CNTNAP4: variants seen among roughly 807,000 people sequenced by gnomAD.
CNTNAP4 encodes contactin-associated protein-like 4.
A neutral mutation model predicts 148.4 loss-of-function variants in CNTNAP4; 98 were observed. The observed-to-expected ratio is 0.66, with a 90% CI of 0.56 to 0.78. CNTNAP4 has a LOEUF of 0.78. Among genes scored for constraint, CNTNAP4 ranks in the 30% least tolerant of loss-of-function variants. The pLI is 0.00. For synonymous variants in CNTNAP4, 730 were observed against 565.1 expected, an observed-to-expected ratio of 1.29 and a Z score of -4.14; for missense variants, 1,935 against 1,565.6, an observed-to-expected ratio of 1.24 and a Z score of -3.98.
chr16:76,336,181 G>A (rs1567752145), intron 2 of CNTNAP4, among the ~76,000 whole-genome samples: 2 of 152,122 alleles, frequency 1.3e-5, no homozygotes, highest in African/African-American at 4.8e-5. Flanking sequence ...ACTAAAAATA[G>A]AAAATTAGAT....
chr16:76,354,147 ACATT>A (rs1318045245), intron 2 of CNTNAP4, among the ~76,000 whole-genome samples: 1 of 152,232 alleles, frequency 6.6e-6, no homozygotes, highest in Non-Finnish European at 1.5e-5. Context: ...ATTTTAATAA[ACATT>A]AAATGTTAGA....
At chr16:76,523,105 C>T (rs2083557927) in intron 17 of CNTNAP4, among the ~76,000 whole-genome samples, 1 of 151,914 alleles carries the variant, frequency 6.6e-6, no homozygotes, top group South Asian at 2.1e-4. Context: ...TGATTGGTTT[C>T]AGCTTATTTA....
intron 2 of CNTNAP4, among the ~76,000 whole-genome samples, chr16:76,328,791 G>A (rs1037155637): frequency 1.3e-5 from 2 of 152,130 alleles, no homozygotes; most frequent in Admixed American, 6.6e-5. Flanking sequence ...GACTACAGGC[G>A]CCTGCCACCG....
chr16:76,543,421 G>A (rs967699514), intron 21 of CNTNAP4, among the ~76,000 whole-genome samples: 62 of 152,186 alleles, frequency 4.1e-4, no homozygotes, highest in African/African-American at 1.5e-3. Context: ...GTCACTTACT[G>A]TGTTAGTCCA....
In CNTNAP4 at chr16:76,558,897, G is replaced by A. The variant is rs935216799; in HGVS notation, c.*214G>A. On this transcript the variant is annotated 3_prime_UTR_variant, in exon 24 of 24. Transcript: ENST00000611870. ...TCTATGGAACAAGAAATTAGATATT[G>A]CTGTTAATTTTCAACTGTTCTGGTA... 1 of 408,246 alleles carries A rather than the reference G, an allele frequency of 2.4e-6. No homozygotes were observed. Among genetic ancestry groups the A allele is most frequent in the Non-Finnish European group, 4.3e-6 (1 of 230,682 alleles). The allele number at this position is 408,246 out of a possible 1,614,324, so 25.3% of individuals were successfully genotyped here.
intron 17 of CNTNAP4, among the ~76,000 whole-genome samples, chr16:76,529,453 A>G (rs918560718): frequency 1.3e-5 from 2 of 152,210 alleles, no homozygotes; most frequent in Non-Finnish European, 2.9e-5. Flanking sequence ...TGATGGAGAG[A>G]AAAGAATCAA....
intron 21 of CNTNAP4, among the ~76,000 whole-genome samples, chr16:76,542,177 TA>T (rs1335834388): frequency 6.6e-6 from 1 of 152,152 alleles, no homozygotes; most frequent in Non-Finnish European, 1.5e-5. Context: ...CTCCCTTTGT[TA>T]AAAACAAAAG....
At chr16:76,351,109 A>G (rs981188357) in intron 2 of CNTNAP4, among the ~76,000 whole-genome samples, 1 of 152,200 alleles carries the variant, frequency 6.6e-6, no homozygotes, top group Non-Finnish European at 1.5e-5. Context: ...GGCATACTAA[A>G]ATCACGAGGT....
intron 3 of CNTNAP4, among the ~76,000 whole-genome samples, chr16:76,417,843 T>G (rs1321211524): frequency 1.3e-5 from 2 of 151,700 alleles, no homozygotes; most frequent in African/African-American, 2.4e-5. Flanking sequence ...TCTCCTTCAC[T>G]TTGGAAGGAT....
chr16:76,427,778 C>CT (rs1419005639), intron 4 of CNTNAP4, among the ~76,000 whole-genome samples, 179 bp downstream of exon 4: 1 of 152,090 alleles, frequency 6.6e-6, no homozygotes, highest in East Asian at 1.9e-4. Context: ...TCATGTTCAA[C>CT]TTTAACATTT....
chr16:76,444,084 A>G (rs1417689781), intron 4 of CNTNAP4, among the ~76,000 whole-genome samples: 5 of 152,204 alleles, frequency 3.3e-5, no homozygotes, highest in Admixed American at 3.3e-4. Flanking sequence ...CTAGTTTCAA[A>G]GAAAATTCAA....
intron 14 of CNTNAP4, among the ~76,000 whole-genome samples, chr16:76,496,545 A>G (rs1289971226): frequency 6.6e-6 from 1 of 152,164 alleles, no homozygotes; most frequent in African/African-American, 2.4e-5. Context: ...GTTGGCAGAA[A>G]CTGCCCATGT....
chr16:76,450,859 C>T (rs1452026009), intron 7 of CNTNAP4, among the ~76,000 whole-genome samples: 1 of 152,164 alleles, frequency 6.6e-6, no homozygotes, highest in Admixed American at 6.5e-5. Context: ...GGACTTGGAC[C>T]TCAGCAATTT....
chr16:76,404,386 T>C (rs1359660767), intron 3 of CNTNAP4, among the ~76,000 whole-genome samples: 2 of 150,994 alleles, frequency 1.3e-5, no homozygotes, highest in African/African-American at 4.9e-5. Flanking sequence ...AATCCCAGTC[T>C]ACTCTAGTTT....
chr16:76,438,994 A>G (rs9889072), intron 4 of CNTNAP4, among the ~76,000 whole-genome samples: 7,040 of 152,202 alleles, frequency 0.046, 459 homozygotes, highest in African/African-American at 0.15. Flanking sequence ...ATATTTTTAA[A>G]TAGACCAATT....
At chr16:76,485,907 C>T (rs1489219452) in intron 12 of CNTNAP4, among the ~76,000 whole-genome samples, 2 of 152,218 alleles carry the variant, frequency 1.3e-5, no homozygotes, top group Non-Finnish European at 2.9e-5. Flanking sequence ...CTCTGCTTTC[C>T]TTAAGACAGC....
At chr16:76,518,993 C>A (rs924123039) in intron 15 of CNTNAP4, among the ~76,000 whole-genome samples, 2 of 152,154 alleles carry the variant, frequency 1.3e-5, no homozygotes, top group Admixed American at 6.5e-5. Context: ...GCTCTGTTTC[C>A]TCCCTCTCTT....
chr16:76,500,693 A>G (rs1382651958), intron 15 of CNTNAP4, among the ~76,000 whole-genome samples: 2 of 151,538 alleles, frequency 1.3e-5, no homozygotes, highest in Admixed American at 6.6e-5. Context: ...TGCATATGCA[A>G]TGCATTAACA....
rs540496086 is a variant in CNTNAP4 at position 76,553,402 on chromosome 16, C to A, written c.3562C>A (p.Pro1188Thr). Residue 1188 changes from proline (P) to threonine (T), a missense_variant, in exon 22 of 24, where the codon CCA becomes ACA. Coordinates refer to ENST00000611870, the MANE Select transcript of CNTNAP4 (RefSeq NM_033401.5). Reference protein sequence around the residue: ...PLKAALHPSHPDPVTVTGHVT... With the variant: ...PLKAALHPSHTDPVTVTGHVT... ...GAAGGCAGCTCTGCACCCCAGCCAC[C>A]CAGACCCTGTCACTGTTACAGGACA... 2 of 1,612,568 alleles carry A rather than the reference C, an allele frequency of 1.2e-6. No homozygotes were observed. Among genetic ancestry groups the A allele is most frequent in the South Asian group, 1.1e-5 (1 of 90,678 alleles).
Sources: gnomAD v4.1 joint callset for allele counts (sites outside exome capture counted in the v4.1 genomes callset) on GRCh38, gnomAD v4.1.1 for gene constraint, MANE v1.5 for transcripts, NCBI Gene and HGNC (gene_info 2026-07-23, HGNC 2026-07-21) for gene names.